Variants in PTPRD observed in about 807,000 individuals in gnomAD.
PTPRD encodes the protein protein tyrosine phosphatase receptor type D.
Under a neutral mutation model 214.5 loss-of-function variants are expected in PTPRD, and 34 were observed. The ratio of observed to expected loss-of-function variants is 0.16; its 90% confidence interval spans 0.12 to 0.21. The LOEUF (loss-of-function observed/expected upper bound fraction) is 0.21. Ranked by LOEUF, PTPRD falls within the 10% of genes least tolerant of loss-of-function variation. PTPRD has a pLI of 1.00. For synonymous variants in PTPRD, 1,128 were observed against 845.7 expected, an observed-to-expected ratio of 1.33 and a Z score of -5.79; for missense variants, 2,545 against 2,398.7, an observed-to-expected ratio of 1.06 and a Z score of -1.27.
At chr9:8,424,613 G>C (rs1463316562) in intron 35 of PTPRD, among the ~76,000 whole-genome samples, 1 of 152,056 alleles carries the variant, frequency 6.6e-6, no homozygotes, top group Non-Finnish European at 1.5e-5. Context: ...ATATTAAAAT[G>C]TGCAGTTTAA....
intron 5 of PTPRD, among the ~76,000 whole-genome samples, chr9:9,768,015 A>G (rs902892921): frequency 6.6e-6 from 1 of 152,142 alleles, no homozygotes; most frequent in African/African-American, 2.4e-5. Context: ...GCATCCATAC[A>G]TACACCATCA....
intron 11 of PTPRD, among the ~76,000 whole-genome samples, chr9:8,997,621 A>G (rs2099402008): frequency 6.6e-6 from 1 of 152,090 alleles, no homozygotes; most frequent in South Asian, 2.1e-4. Context: ...TATTGAAATT[A>G]TGCCCATTAA....
intron 10 of PTPRD, among the ~76,000 whole-genome samples, chr9:9,147,966 T>C (rs1227225123): frequency 6.6e-6 from 1 of 152,158 alleles, no homozygotes; most frequent in African/African-American, 2.4e-5. Flanking sequence ...GTCTGATGCA[T>C]GCTCCAGCTT....
At chr9:8,526,825 A>C (rs557964571) in intron 16 of PTPRD, among the ~76,000 whole-genome samples, 181 bp from the exon 17 acceptor site, 1 of 152,262 alleles carries the variant, frequency 6.6e-6, no homozygotes, top group South Asian at 2.1e-4. Context: ...ATTAGATCAT[A>C]AAAAACAAGT....
intron 7 of PTPRD, among the ~76,000 whole-genome samples, chr9:9,623,099 C>G (rs2095303593): frequency 6.6e-6 from 1 of 152,172 alleles, no homozygotes; most frequent in Non-Finnish European, 1.5e-5. Context: ...ATTTATAAAT[C>G]CTTTATTACT....
At chr9:8,748,522 C>CCAAAA (rs2093116433) in intron 11 of PTPRD, among the ~76,000 whole-genome samples, 1 of 37,862 alleles carries the variant, frequency 2.6e-5, no homozygotes, top group African/African-American at 7.2e-5. Flanking sequence ...CCTGCAACTG[C>CCAAAA]AAAAAAAAAA....
chr9:9,541,758 C>A (rs117533944), intron 8 of PTPRD, among the ~76,000 whole-genome samples: 2,494 of 151,760 alleles, frequency 0.016, 40 homozygotes, highest in Admixed American at 0.026. Context: ...CACTGAGGCA[C>A]GCAGAGAATA....
At position 10,103,905 on chromosome 9, in the gene PTPRD, C is replaced by T. The variant is rs139962590; in HGVS notation, c.-544-70115G>A. On this transcript the variant is annotated intron_variant, in intron 3 of 45. Coordinates refer to ENST00000381196, the MANE Select transcript of PTPRD (RefSeq NM_002839.4). ...CAATAGCCAAGAAGTGGAAGCAACC[C>T]AAGTGTCTATCGATGGATGAATGGA... is the stretch of plus-strand genomic sequence containing the variant. 5.5e-4 allele frequency among the ~76,000 whole-genome samples: 84 copies of T among 151,670 alleles called. No homozygotes were observed. The East Asian group carries it at 6.0e-3, about 11-fold the overall frequency.
At chr9:9,320,435 T>C (rs539290146) in intron 9 of PTPRD, among the ~76,000 whole-genome samples, 15 of 152,318 alleles carry the variant, frequency 9.8e-5, no homozygotes, top group African/African-American at 3.4e-4. Context: ...AAATATATTA[T>C]CTAATTATTA....
intron 8 of PTPRD, among the ~76,000 whole-genome samples, chr9:9,467,070 T>C (rs2094214016): frequency 6.6e-6 from 1 of 151,186 alleles, no homozygotes; most frequent in Admixed American, 6.6e-5. Flanking sequence ...TTTGGTAATG[T>C]ATTTCTCAAT....
At chr9:8,462,713 T>C (rs924380444) in intron 32 of PTPRD, among the ~76,000 whole-genome samples, 39 of 151,902 alleles carry the variant, frequency 2.6e-4, no homozygotes, top group African/African-American at 8.5e-4. Flanking sequence ...CTCTTTTTAA[T>C]TGACTGGCAG....
chr9:9,013,517 T>G (rs1021248828), intron 11 of PTPRD, among the ~76,000 whole-genome samples: 1 of 152,204 alleles, frequency 6.6e-6, no homozygotes, highest in Non-Finnish European at 1.5e-5. Flanking sequence ...TCTTTTGCTT[T>G]GCTTTTTCCT....
chr9:9,624,896 G>C (rs1476206181), intron 7 of PTPRD, among the ~76,000 whole-genome samples: 1 of 151,686 alleles, frequency 6.6e-6, no homozygotes, highest in Non-Finnish European at 1.5e-5. Context: ...GTTACCAGCA[G>C]TGTGGCCTTG....
intron 5 of PTPRD, among the ~76,000 whole-genome samples, chr9:9,896,223 T>A (rs1427937803): frequency 6.6e-6 from 1 of 152,082 alleles, no homozygotes; most frequent in Non-Finnish European, 1.5e-5. Flanking sequence ...AAAATATGAC[T>A]ATTTCCATGA....
chr9:8,459,411 C>T (rs1049324175), intron 33 of PTPRD, among the ~76,000 whole-genome samples: 56 of 151,852 alleles, frequency 3.7e-4, no homozygotes, highest in African/African-American at 1.3e-3. Context: ...TGTGAAAATA[C>T]AATTTGGATT....
intron 3 of PTPRD, among the ~76,000 whole-genome samples, chr9:10,211,460 A>G (rs993477459): frequency 6.6e-6 from 1 of 152,128 alleles, no homozygotes; most frequent in African/African-American, 2.4e-5. Context: ...GTAGAGGACC[A>G]TGGATGAAGC....
In PTPRD at chr9:9,769,820, T is replaced by G. The variant is rs577115864; in HGVS notation, c.-367-2969A>C. On this transcript the variant is annotated intron_variant, in intron 5 of 45. Coordinates refer to ENST00000381196, the MANE Select transcript of PTPRD (RefSeq NM_002839.4). ...TTCCCCTCCCTGTGTCCATGTGTTC[T>G]CATTGTTCAACTCCCACTTACAAGT... Among the ~76,000 whole-genome samples the G allele has an allele frequency of 4.5e-3, 679 of 152,194 alleles. 6 individuals carry two copies. The highest frequency in any genetic ancestry group is 0.017 in the Middle Eastern group (5 of 294).
chr9:10,388,423 G>T (rs1434711398), intron 2 of PTPRD, among the ~76,000 whole-genome samples: 3 of 149,136 alleles, frequency 2.0e-5, no homozygotes, highest in African/African-American at 7.4e-5. Context: ...GGAGAGGCTT[G>T]ACTATAGTAG....
At chr9:8,884,336 A>G (rs117295685) in intron 11 of PTPRD, among the ~76,000 whole-genome samples, 2,629 of 152,352 alleles carry the variant, frequency 0.017, 30 homozygotes, top group Non-Finnish European at 0.027. Flanking sequence ...GTTTAGTCTA[A>G]CTTCTGAGAC....
Sources: gnomAD v4.1 joint callset for allele counts (sites outside exome capture counted in the v4.1 genomes callset) on GRCh38, gnomAD v4.1.1 for gene constraint, MANE v1.5 for transcripts, NCBI Gene and HGNC (gene_info 2026-07-23, HGNC 2026-07-21) for gene names.